FREM1: variants seen among roughly 807,000 people sequenced by gnomAD.
The protein encoded by FREM1 is FRAS1 related extracellular matrix 1.
Under a neutral mutation model 210.1 loss-of-function variants are expected in FREM1, and 220 were observed. The observed-to-expected ratio is 1.05, with a 90% CI of 0.94 to 1.17. The LOEUF (loss-of-function observed/expected upper bound fraction) is 1.17. FREM1 is among the 50% of genes most tolerant of loss of function. The pLI is 0.00. For synonymous variants in FREM1, 1,189 were observed against 980.2 expected, an observed-to-expected ratio of 1.21 and a Z score of -3.98; for missense variants, 3,454 against 2,675.5, an observed-to-expected ratio of 1.29 and a Z score of -6.42.
At chr9:14,798,017 T>A (rs529895884) in intron 20 of FREM1, among the ~76,000 whole-genome samples, 2 of 152,134 alleles carry the variant, frequency 1.3e-5, no homozygotes, top group Non-Finnish European at 2.9e-5. Context: ...TCTTAATAGG[T>A]CAAAACTTAA....
intron 3 of FREM1, among the ~76,000 whole-genome samples, chr9:14,861,149 ATATATACG>A (rs1201811827): frequency 1.8e-5 from 2 of 108,558 alleles, no homozygotes; most frequent in African/African-American, 4.1e-5. Flanking sequence ...ATATATACAC[ATATATACG>A]TATATACACA....
At chr9:14,875,389 T>C (rs576213726) in intron 1 of FREM1, among the ~76,000 whole-genome samples, 76 of 152,300 alleles carry the variant, frequency 5.0e-4, no homozygotes, top group Middle Eastern at 3.4e-3. Context: ...TATTCTTTTT[T>C]CTCTAAACTT....
chr9:14,844,225 C>CTTTTTTTTT (rs35686371), intron 8 of FREM1, among the ~76,000 whole-genome samples: 1 of 138,782 alleles, frequency 7.2e-6, no homozygotes. Context: ...ACAACTCTTC[C>CTTTTTTTTT]TTTTTTTTTT....
upstream of FREM1, chr9:14,910,911 A>G (rs536304547): frequency 6.6e-6 from 1 of 152,190 alleles, no homozygotes; most frequent in Non-Finnish European, 1.5e-5. Context: ...CATGGCATTT[A>G]AGGGAAAAGA....
chr9:14,781,688 G>A (rs1209045454), intron 24 of FREM1, among the ~76,000 whole-genome samples: 1 of 152,110 alleles, frequency 6.6e-6, no homozygotes, highest in Non-Finnish European at 1.5e-5. Flanking sequence ...TCTCTGGGAG[G>A]CCCTAAAAAG....
chr9:14,824,210 G>C, intron 11 of FREM1, 95 bp from the exon 12 acceptor site: 3 of 742,874 alleles, frequency 4.0e-6, no homozygotes, highest in Middle Eastern at 2.9e-4. Context: ...ACTTCATTGT[G>C]AGAAGAAATT....
chr9:14,904,918 T>C (rs1448548882), intron 1 of FREM1, among the ~76,000 whole-genome samples: 1 of 152,160 alleles, frequency 6.6e-6, no homozygotes, highest in Non-Finnish European at 1.5e-5. Flanking sequence ...TTCTGTTCCA[T>C]CTGCCATGAA....
intron 13 of FREM1, among the ~76,000 whole-genome samples, chr9:14,821,271 A>G (rs1373912996): frequency 2.0e-5 from 3 of 152,118 alleles, no homozygotes; most frequent in African/African-American, 7.2e-5. Flanking sequence ...CATTTGCCCC[A>G]TATACTGTAA....
rs201118704 is a variant in FREM1 at position 14,851,467 on chromosome 9, T to C, written c.969A>G (p.Glu323=). ...TSLTTSVLDC[E]EDETPKPLLV... is the part of the protein sequence containing the mutation. ...GCAAGGGTTTAGGGGTCTCATCTTC[T>C]TCACAGTCCAGAACTGATGTAGTCA... The change falls in exon 6 of 37, where the codon GAA becomes GAG. Residue 323 remains glutamate (E), a synonymous_variant. Coordinates refer to ENST00000380880, the MANE Select transcript of FREM1 (RefSeq NM_001379081.2). The C allele has an allele frequency of 1.4e-5, 22 of 1,613,866 alleles. No homozygotes were observed. The highest frequency in any genetic ancestry group is 1.9e-5 in the Non-Finnish European group (22 of 1,179,898).
intron 20 of FREM1, among the ~76,000 whole-genome samples, chr9:14,800,019 T>C (rs1853234100): frequency 6.9e-6 from 1 of 144,346 alleles, no homozygotes; most frequent in Non-Finnish European, 1.5e-5. Flanking sequence ...CATTGTTCAA[T>C]TCCCAACTAT....
rs764385270 is a variant in FREM1 at position 14,770,684 on chromosome 9, G to T, written c.4980C>A (p.Asp1660Glu). The T allele has an allele frequency of 1.9e-6, 3 of 1,613,338 alleles. No individual in the cohort carries two copies. The African/African-American group carries it at 4.0e-5, about 22-fold the overall frequency. The change falls in exon 26 of 37, where the codon GAC becomes GAA. Residue 1660 changes from aspartate to glutamate, a missense_variant. By Grantham distance (45) the Asp-to-Glu change is conservative (BLOSUM62 2). Transcript: ENST00000380880. ...TGATCTGATCGTCCTCAGTGTCAGG[G>T]TCTGATGCCTTCAACACGCGGGAAG... Reference protein sequence around the residue: ...YITSRVLKASDPDTEDDQIIF... With the variant: ...YITSRVLKASEPDTEDDQIIF...
intron 25 of FREM1, among the ~76,000 whole-genome samples, chr9:14,773,353 C>G (rs1194832474): frequency 6.6e-6 from 1 of 152,142 alleles, no homozygotes; most frequent in Non-Finnish European, 1.5e-5. Flanking sequence ...TCAGGTACCA[C>G]CAGAAGAATA....
intron 20 of FREM1, among the ~76,000 whole-genome samples, chr9:14,800,325 G>T (rs907811997): frequency 6.6e-6 from 1 of 152,082 alleles, no homozygotes; most frequent in Non-Finnish European, 1.5e-5. Flanking sequence ...TTACAGGCTG[G>T]GAAAAGAAAA....
intron 17 of FREM1, among the ~76,000 whole-genome samples, 186 bp downstream of exon 17, chr9:14,807,754 A>G (rs532204066): frequency 6.6e-6 from 1 of 152,248 alleles, no homozygotes; most frequent in African/African-American, 2.4e-5. Flanking sequence ...AAACATGTAA[A>G]TTCTTTTGCC....
At position 14,784,568 on chromosome 9, in the gene FREM1, G is replaced by A. The variant is rs75677527; in HGVS notation, c.4244C>T (p.Thr1415Ile). The A allele has an allele frequency of 1.1e-4, 170 of 1,612,072 alleles. No homozygotes were observed. Among genetic ancestry groups the A allele is most frequent in the Admixed American group, 2.7e-4 (16 of 59,734 alleles). ...SKGDRGFLTT[T>I]TLLAVDGTDK... is the part of the protein sequence containing the mutation. ...TGTTCCGTCCACAGCCAGGAGCGTG[G>A]TGGTTGTTAAGAAACCTCTATCACC... Residue 1415 changes from threonine to isoleucine, a missense_variant, in exon 24 of 37, where the codon ACC (threonine) becomes ATC (isoleucine). By Grantham distance (89) the Thr-to-Ile change is moderately conservative (BLOSUM62 -1). Transcript: ENST00000380880.
intron 28 of FREM1, among the ~76,000 whole-genome samples, chr9:14,757,006 G>A (rs1382818966): frequency 6.6e-6 from 1 of 152,132 alleles, no homozygotes; most frequent in East Asian, 1.9e-4. Context: ...AAACATGAAA[G>A]GAGAGTTTTG....
At chr9:14,896,137 T>G (rs79623129) in intron 1 of FREM1, among the ~76,000 whole-genome samples, 3,252 of 152,082 alleles carry the variant, frequency 0.021, 55 homozygotes, top group Middle Eastern at 0.041. Context: ...AAAATCAAGA[T>G]GGGGATAAAA....
chr9:14,848,486 C>T (rs374871781), intron 7 of FREM1, among the ~76,000 whole-genome samples, 179 bp downstream of exon 7: 1 of 152,158 alleles, frequency 6.6e-6, no homozygotes, highest in Non-Finnish European at 1.5e-5. Flanking sequence ...AAATTTCTCA[C>T]GCTGCCAGGA....
chr9:14,840,438 T>C (rs551411632), intron 10 of FREM1, among the ~76,000 whole-genome samples: 10 of 152,290 alleles, frequency 6.6e-5, no homozygotes, highest in Non-Finnish European at 1.5e-4. Context: ...CTCACAATCA[T>C]GGCAGAAGGC....
Sources: allele counts gnomAD v4.1 joint callset (sites outside exome capture counted in the v4.1 genomes callset), GRCh38; gene constraint gnomAD v4.1.1; transcripts MANE v1.5; gene names NCBI Gene and HGNC (gene_info 2026-07-23, HGNC 2026-07-21).